VPS13D: variants seen among roughly 807,000 people sequenced by gnomAD.
VPS13D encodes the protein intermembrane lipid transfer protein VPS13D.
VPS13D carries 187 observed loss-of-function variants against 461.9 expected under a neutral mutation model. The observed-to-expected ratio is 0.40, with a 90% confidence interval of 0.36 to 0.46. The LOEUF is 0.46. Among genes scored for constraint, VPS13D ranks in the 20% least tolerant of loss-of-function variants. The pLI is 0.60. For synonymous variants in VPS13D, 1,951 were observed against 1,986.3 expected (o/e 0.98, Z 0.47); for missense variants, 4,711 against 5,364.9 (o/e 0.88, Z 3.81).
intron 67 of VPS13D, among the ~76,000 whole-genome samples, chr1:12,488,076 C>G (rs996973878): frequency 6.6e-6 from 1 of 152,194 alleles, no homozygotes; most frequent in Non-Finnish European, 1.5e-5. Context: ...TCAGAAAACA[C>G]CTCTGTACCC....
intron 67 of VPS13D, among the ~76,000 whole-genome samples, chr1:12,467,654 C>T (rs1257994453): frequency 4.6e-5 from 7 of 152,182 alleles, no homozygotes; most frequent in Non-Finnish European, 8.8e-5. Context: ...CTCATTATAA[C>T]ATAACTTATG....
intron 58 of VPS13D, 86 bp from the exon 59 acceptor site, chr1:12,385,174 T>G: frequency 9.6e-7 from 1 of 1,038,632 alleles, no homozygotes; most frequent in South Asian, 1.4e-5. Context: ...TATAATGACT[T>G]TTGACCTACA....
At chr1:12,369,104 C>T (rs1205113933) in intron 53 of VPS13D, among the ~76,000 whole-genome samples, 1 of 152,068 alleles carries the variant, frequency 6.6e-6, no homozygotes, top group Non-Finnish European at 1.5e-5. Flanking sequence ...CAAAATATAT[C>T]ATAGGGGGTT....
At chr1:12,391,865 A>T (rs1017800177) in intron 60 of VPS13D, among the ~76,000 whole-genome samples, 30 of 151,894 alleles carry the variant, frequency 2.0e-4, no homozygotes, top group African/African-American at 6.5e-4. Flanking sequence ...TGTTTTTTTT[A>T]AATATTTTTT....
intron 61 of VPS13D, among the ~76,000 whole-genome samples, chr1:12,401,330 C>T (rs1644577186): frequency 6.6e-6 from 1 of 152,178 alleles, no homozygotes; most frequent in Non-Finnish European, 1.5e-5. Flanking sequence ...CCATAAAGTT[C>T]ATCCACCACA....
Position 12,230,775 on chromosome 1 carries a change from C to T in VPS13D, c.-77+655C>T, listed in dbSNP as rs542306137. ...CATCAGGCCTAAAACCTCTCTTTAC[C>T]TTTTACCCCCCAGGGTCACGCCCTG... On this transcript the variant is annotated intron_variant, in intron 1 of 69. Coordinates refer to ENST00000620676, the MANE Select transcript of VPS13D (RefSeq NM_015378.4). 3.3e-5 allele frequency among the ~76,000 whole-genome samples: 5 copies of T among 151,930 alleles called. No homozygotes were observed. The South Asian group carries it at 1.0e-3, about 32-fold the overall frequency.
At chr1:12,366,943 T>C (rs1198973832) in intron 52 of VPS13D, among the ~76,000 whole-genome samples, 1 of 152,234 alleles carries the variant, frequency 6.6e-6, no homozygotes, top group Non-Finnish European at 1.5e-5. Flanking sequence ...ATTTTTCTAA[T>C]TAAATATAAT....
chr1:12,358,142 A>G (rs1435676646), intron 49 of VPS13D, among the ~76,000 whole-genome samples: 1 of 152,120 alleles, frequency 6.6e-6, no homozygotes, highest in African/African-American at 2.4e-5. Context: ...TGAATTCTTT[A>G]TTTTTAGGGG....
chr1:12,376,936 C>G, intron 55 of VPS13D, among the ~76,000 whole-genome samples: 1 of 152,202 alleles, frequency 6.6e-6, no homozygotes, highest in Non-Finnish European at 1.5e-5. Flanking sequence ...GACCTACCAT[C>G]TAACTAGTTA....
At chr1:12,477,958 C>A (rs1371583591) in intron 67 of VPS13D, among the ~76,000 whole-genome samples, 1 of 152,130 alleles carries the variant, frequency 6.6e-6, no homozygotes, top group African/African-American at 2.4e-5. Context: ...CCAGAAAATC[C>A]AGGAGTTCAA....
At position 12,401,722 on chromosome 1, in the gene VPS13D, A is replaced by G. The variant is rs897086443; in HGVS notation, c.11881+18A>G. 3 of 1,597,248 alleles carry G rather than the reference A, an allele frequency of 1.9e-6. No homozygotes were observed. The highest frequency in any genetic ancestry group is 2.6e-6 in the Non-Finnish European group (3 of 1,166,144). ...AGAATCAGGTAATGTTGAATGTTCT[A>G]TGTCTGTGTTTGGGAATTGGTCCAA... On this transcript the variant is annotated intron_variant, in intron 62 of 69. Transcript: ENST00000620676.
intron 43 of VPS13D, among the ~76,000 whole-genome samples, chr1:12,346,170 G>A (rs1228904133): frequency 1.3e-5 from 2 of 152,160 alleles, no homozygotes. Context: ...AAATGCAGAC[G>A]TGCAGAGATA....
At chr1:12,394,107 T>C (rs528670647) in intron 60 of VPS13D, among the ~76,000 whole-genome samples, 2 of 152,268 alleles carry the variant, frequency 1.3e-5, no homozygotes, top group African/African-American at 4.8e-5. Flanking sequence ...AAAGATTCAC[T>C]GCGTAAATTG....
chr1:12,285,287 TA>T (rs1557685939), intron 21 of VPS13D, among the ~76,000 whole-genome samples: 13 of 149,326 alleles, frequency 8.7e-5, no homozygotes, highest in African/African-American at 2.2e-4. Context: ...TTTATTTATT[TA>T]TTTATTTATT....
At chr1:12,474,798 T>C (rs1645608300) in intron 67 of VPS13D, among the ~76,000 whole-genome samples, 1 of 152,232 alleles carries the variant, frequency 6.6e-6, no homozygotes, top group African/African-American at 2.4e-5. Flanking sequence ...CTGGGTATCC[T>C]TTAGGCAAGG....
At chr1:12,335,604 T>G in intron 38 of VPS13D, 101 bp from the exon 39 acceptor site, 6 of 1,443,320 alleles carry the variant, frequency 4.2e-6, no homozygotes, top group Non-Finnish European at 5.6e-6. Context: ...AGGCATGTAA[T>G]GAGACACTCA....
At chr1:12,330,244 T>A (rs1256151889) in intron 37 of VPS13D, among the ~76,000 whole-genome samples, 2 of 151,974 alleles carry the variant, frequency 1.3e-5, no homozygotes, top group Non-Finnish European at 2.9e-5. Flanking sequence ...GGCGAAACCC[T>A]GTCTCTACTA....
intron 65 of VPS13D, among the ~76,000 whole-genome samples, chr1:12,432,636 C>T (rs1249840168): frequency 2.7e-5 from 4 of 149,716 alleles, no homozygotes; most frequent in African/African-American, 9.8e-5. Flanking sequence ...AAGACAGTCT[C>T]ACTGGCTGAA....
intron 65 of VPS13D, among the ~76,000 whole-genome samples, chr1:12,433,535 C>T (rs1332784905): frequency 1.3e-5 from 2 of 152,182 alleles, no homozygotes; most frequent in Non-Finnish European, 2.9e-5. Context: ...GCGTGCCTGC[C>T]CTCCCGATGA....
Sources: gnomAD v4.1 joint callset for allele counts (sites outside exome capture counted in the v4.1 genomes callset) on GRCh38, gnomAD v4.1.1 for gene constraint, MANE v1.5 for transcripts, NCBI Gene and HGNC (gene_info 2026-07-23, HGNC 2026-07-21) for gene names.